The following RFT1 variants were observed in gnomAD, a reference collection of about 807,000 sequenced individuals.
The protein encoded by RFT1 is RFT1 glycolipid translocator homolog.
RFT1 carries 43 observed loss-of-function variants against 62.2 expected under a neutral mutation model. The ratio of observed to expected loss-of-function variants is 0.69; its 90% CI spans 0.54 to 0.89. The LOEUF (loss-of-function observed/expected upper bound fraction) is 0.89. Among genes scored for constraint, RFT1 ranks in the 40% least tolerant of loss-of-function variants. The pLI, the probability that RFT1 is intolerant of heterozygous loss-of-function variation, is 0.00. For missense variants in RFT1, 605 were observed against 649.9 expected (o/e 0.93, Z 0.75); for synonymous variants, 262 against 264.6 (o/e 0.99, Z 0.10).
At chr3:53,123,574 G>T (rs568406392) in intron 3 of RFT1, 150 bp downstream of exon 3, 76 of 687,112 alleles carry the variant, frequency 1.1e-4, no homozygotes, top group Non-Finnish European at 1.2e-4. Flanking sequence ...CACAAACACT[G>T]TCCCCGTCTT....
At chr3:53,115,248 C>T (rs140671364) in intron 6 of RFT1, among the ~76,000 whole-genome samples, 3 of 152,204 alleles carry the variant, frequency 2.0e-5, no homozygotes, top group African/African-American at 4.8e-5. Context: ...GTGTAAATGT[C>T]GCCGTGAACA....
rs112612289 is a variant in RFT1 at position 53,119,056 on chromosome 3, A to T, written c.696+828T>A. Among the ~76,000 whole-genome samples the T allele has an allele frequency of 1.2e-3, 171 of 143,758 alleles. No homozygotes were observed. The East Asian group carries it at 0.012, about 10-fold the overall frequency. 94.3% of individuals were successfully genotyped at this position (143,758 alleles called of 152,430 possible). On this transcript the variant is annotated intron_variant, in intron 6 of 12. Coordinates refer to ENST00000296292, the MANE Select transcript of RFT1 (RefSeq NM_052859.4). ...TGAGACCCTGTCTCTACAAAAAAAAATTTTTTAATTAGCTGGGCATGGTGG... is the reference window on the plus strand; with the variant it reads ...TGAGACCCTGTCTCTACAAAAAAAATTTTTTTAATTAGCTGGGCATGGTGG...
chr3:53,115,147 T>C (rs1236001476), intron 6 of RFT1, among the ~76,000 whole-genome samples: 1 of 152,218 alleles, frequency 6.6e-6, no homozygotes, highest in Non-Finnish European at 1.5e-5. Context: ...TGCTTCTTAC[T>C]CTTTCTCTAG....
At position 53,105,421 on chromosome 3, in the gene RFT1, C is replaced by T. The variant is rs907399628; in HGVS notation, c.957+252G>A. Among the ~76,000 whole-genome samples the T allele has an allele frequency of 2.0e-5, 3 of 146,520 alleles. 1 individual carries two copies. The highest frequency in any genetic ancestry group is 4.4e-4 in the South Asian group (2 of 4,558). On this transcript the variant is annotated intron_variant, in intron 9 of 12. Transcript: ENST00000296292. ...AGAGCAAGACTCTATCCCCGCCCCC[C>T]CCCCCAAAAAGAGTAAGGTCACAAC... is the stretch of plus-strand genomic sequence containing the variant.
chr3:53,074,484 C>T, the RFT1 span, among the ~76,000 whole-genome samples: 2 of 151,976 alleles, frequency 1.3e-5, no homozygotes, highest in African/African-American at 4.8e-5. Context: ...ACTGGATGGT[C>T]AGAATCAAAA....
In RFT1 at chr3:53,103,238, A is replaced by G. The variant is rs774758859; in HGVS notation, c.1102+715T>C. On this transcript the variant is annotated intron_variant, in intron 10 of 12. Transcript: ENST00000296292. ...TTTATATTGAGATGGGGCAGCAGAA[A>G]GAAGTCCTCAGCGTTCTTGTCCAGC... 270 of 985,310 alleles carry G rather than the reference A, an allele frequency of 2.7e-4. 2 individuals carry two copies. Among genetic ancestry groups the G allele is most frequent in the Non-Finnish European group, 6.4e-5 (53 of 829,948 alleles). The allele number at this position is 985,310 out of a possible 1,614,324, so 61.0% of individuals were successfully genotyped here.
At chr3:53,109,417 T>C (rs1453589187) in intron 7 of RFT1, among the ~76,000 whole-genome samples, 1 of 152,180 alleles carries the variant, frequency 6.6e-6, no homozygotes, top group Non-Finnish European at 1.5e-5. Flanking sequence ...CCTGAGGCCA[T>C]GGCCTGTTAC....
chr3:53,099,280 C>T lies in RFT1; in HGVS notation c.1208+101G>A, dbSNP rs1701241808. Reference sequence around the variant, plus strand: ...GACTAAGTGTTGCCTCTAAAACAGCCATCTGTAAATGCATGTTCAGAACGA... The same window carrying T: ...GACTAAGTGTTGCCTCTAAAACAGCTATCTGTAAATGCATGTTCAGAACGA... On this transcript the variant is annotated intron_variant, in intron 11 of 12. Transcript: ENST00000296292. 5.5e-6 allele frequency: 5 copies of T among 917,214 alleles called. No individual in the cohort carries two copies. The African/African-American group carries it at 6.5e-5, about 12-fold the overall frequency. 56.8% of individuals were successfully genotyped at this position (917,214 alleles called of 1,614,324 possible).
intron 10 of RFT1, chr3:53,103,250 C>T (rs997791019): frequency 4.1e-6 from 4 of 985,222 alleles, no homozygotes; most frequent in Admixed American, 6.2e-5. Context: ...AAGTCCTCAG[C>T]GTTCTTGTCC....
At chr3:53,128,441 T>C (rs1702172481) in intron 1 of RFT1, among the ~76,000 whole-genome samples, 1 of 152,250 alleles carries the variant, frequency 6.6e-6, no homozygotes, top group Admixed American at 6.5e-5. Context: ...TGAGGTTGCT[T>C]ACGCCACCCA....
downstream of RFT1, among the ~76,000 whole-genome samples, chr3:53,084,415 CT>C (rs945892518): frequency 3.3e-5 from 5 of 152,248 alleles, no homozygotes; most frequent in Admixed American, 3.3e-4. Context: ...CAGGCTCCCC[CT>C]GCTCTCCCAC....
At position 53,125,594 on chromosome 3, in the gene RFT1, TGA is replaced by T. The variant is rs1213815102; in HGVS notation, c.149+313_149+314del. Reference sequence around the variant, plus strand: ...CAGGACAAGAACATAGGATTATATCTGAGAGAGAGTTTTTAATGAATTACTCC... The same window carrying T: ...CAGGACAAGAACATAGGATTATATCTGAGAGAGTTTTTAATGAATTACTCC... On this transcript the variant is annotated intron_variant, in intron 2 of 12. Transcript: ENST00000296292. Among the ~76,000 whole-genome samples the T allele has an allele frequency of 6.6e-5, 10 of 152,240 alleles. No individual in the cohort carries two copies. In the East Asian group the frequency reaches 1.9e-3, roughly 29 times the overall value.
chr3:53,068,327 C>T, the RFT1 span, among the ~76,000 whole-genome samples: 1 of 152,120 alleles, frequency 6.6e-6, no homozygotes, highest in Non-Finnish European at 1.5e-5. Context: ...ACCCCCCCCA[C>T]CAAGGTACCC....
chr3:53,124,308 A>C (rs1288594510), intron 2 of RFT1, among the ~76,000 whole-genome samples: 2 of 152,210 alleles, frequency 1.3e-5, no homozygotes, highest in Admixed American at 6.5e-5. Flanking sequence ...AGGCTGCTGC[A>C]ACCCAGATCA....
downstream of RFT1, among the ~76,000 whole-genome samples, chr3:53,084,416 T>G (rs926587222): frequency 7.4e-4 from 113 of 152,334 alleles, no homozygotes; most frequent in African/African-American, 2.3e-3. Flanking sequence ...AGGCTCCCCC[T>G]GCTCTCCCAC....
chr3:53,091,423 G>C lies in RFT1; in HGVS notation c.*480C>G. 6.1e-6 allele frequency: 1 copy of C among 163,958 alleles called. No individual in the cohort carries two copies. The highest frequency in any genetic ancestry group is 1.3e-5 in the Non-Finnish European group (1 of 74,076). 10.2% of individuals were successfully genotyped at this position (163,958 alleles called of 1,614,324 possible). On this transcript the variant is annotated 3_prime_UTR_variant, in exon 13 of 13. Transcript: ENST00000296292. ...GACACAAAGAAAGCCACAACTTCAG[G>C]GCCACACTCTGTTTCCATGTGGTGC...
intron 6 of RFT1, 34 bp downstream of exon 6, chr3:53,119,850 T>G: frequency 6.4e-7 from 1 of 1,563,680 alleles, no homozygotes. Context: ...GCACCTATGA[T>G]TAAAATGATA....
intron 6 of RFT1, among the ~76,000 whole-genome samples, chr3:53,114,439 G>T (rs2564944): frequency 1.3e-5 from 2 of 152,080 alleles, no homozygotes; most frequent in South Asian, 4.2e-4. Flanking sequence ...TGGTTTAAAT[G>T]GGCCTGTGGT....
chr3:53,092,271 G>A, intron 12 of RFT1, 98 bp downstream of exon 12: 1 of 1,519,468 alleles, frequency 6.6e-7, no homozygotes, highest in Non-Finnish European at 8.9e-7. Context: ...CCTGGGGAGG[G>A]GACAGGAGGA....
Sources: allele counts gnomAD v4.1 joint callset (sites outside exome capture counted in the v4.1 genomes callset), GRCh38; gene constraint gnomAD v4.1.1; transcripts MANE v1.5; gene names NCBI Gene and HGNC (gene_info 2026-07-23, HGNC 2026-07-21).